The following SLC6A9 variants were observed in gnomAD, a reference collection of about 807,000 sequenced individuals.
SLC6A9 encodes solute carrier family 6 member 9, also known as sodium- and chloride-dependent glycine transporter 1.
A neutral mutation model predicts 70.9 loss-of-function variants in SLC6A9; 31 were observed. The observed-to-expected ratio is 0.44, with a 90% CI of 0.33 to 0.59. SLC6A9 has a LOEUF of 0.59. Among genes scored for constraint, SLC6A9 ranks in the 20% least tolerant of loss-of-function variants. The probability of loss-of-function intolerance (pLI) is 0.04; values close to 1 mark genes in which losing one functional copy is unlikely to be tolerated. For missense variants in SLC6A9, 631 were observed against 845.2 expected, an observed-to-expected ratio of 0.75 and a Z score of 3.14; for synonymous variants, 310 against 341.3, an observed-to-expected ratio of 0.91 and a Z score of 1.01.
At chr1:44,023,564 C>T (rs779273517) in intron 2 of SLC6A9, among the ~76,000 whole-genome samples, 26 of 152,152 alleles carry the variant, frequency 1.7e-4, no homozygotes, top group Non-Finnish European at 2.9e-4. Flanking sequence ...ATCGCTTGAA[C>T]CCGGCAGGGG....
chr1:44,011,810 G>A (rs2086582191), intron 2 of SLC6A9: 1 of 1,368,604 alleles, frequency 7.3e-7, no homozygotes. Context: ...CTGAGCTGGT[G>A]GCCTGGGCCC....
At chr1:44,003,873 TG>T (rs1261607840) in intron 5 of SLC6A9, among the ~76,000 whole-genome samples, 1 of 151,788 alleles carries the variant, frequency 6.6e-6, no homozygotes, top group Non-Finnish European at 1.5e-5. Context: ...TGCCCGGGCC[TG>T]TGCTAAGTGC....
intron 5 of SLC6A9, among the ~76,000 whole-genome samples, chr1:44,006,609 A>AAAAAAAAAC (rs2086326562): frequency 6.6e-6 from 1 of 151,638 alleles, no homozygotes; most frequent in Non-Finnish European, 1.5e-5. Context: ...AAAAAAAAAA[A>AAAAAAAAAC]AGAAATCATC....
At chr1:44,029,412 C>T (rs965933628) in intron 1 of SLC6A9, among the ~76,000 whole-genome samples, 47 of 152,194 alleles carry the variant, frequency 3.1e-4, no homozygotes, top group African/African-American at 7.7e-4. Flanking sequence ...GGCCATCTGC[C>T]GCCACGTGAG....
chr1:44,002,164 C>T lies in SLC6A9; in HGVS notation c.962+149G>A, dbSNP rs2086134688. ...CTGCCTAAACCTCTCTCCTCATTCT[C>T]CAACAACTTTATCCAGAACCAGTAT... On this transcript the variant is annotated intron_variant, in intron 8 of 13. Coordinates refer to ENST00000372310, the MANE Select transcript of SLC6A9 (RefSeq NM_001024845.3). This position sits in a 1 kb window ranked among gnomAD's most constrained non-coding sequence, Gnocchi z 5.5. The T allele has an allele frequency of 1.4e-5, 9 of 650,702 alleles. No homozygotes were observed. The South Asian group carries it at 1.6e-4, about 12-fold the overall frequency. 40.3% of individuals were successfully genotyped at this position (650,702 alleles called of 1,614,324 possible).
At chr1:44,008,259 G>A (rs2086393289) in intron 5 of SLC6A9, 94 bp downstream of exon 5, 1 of 1,293,606 alleles carries the variant, frequency 7.7e-7, no homozygotes, top group Non-Finnish European at 1.1e-6. Context: ...GGCTGAACCT[G>A]CAGCAGGCAC....
In SLC6A9 at chr1:44,030,058, A is replaced by AG. The variant is rs1319693430; in HGVS notation, c.-86+1247dup. 3.9e-5 allele frequency among the ~76,000 whole-genome samples: 6 copies of AG among 152,074 alleles called. No individual in the cohort carries two copies. The East Asian group carries it at 1.2e-3, about 30-fold the overall frequency. ...CCGTCTCCTTTAAGAGTGATCCGCG[A>AG]GGGGGTGTGGCTTGCGGAGAGCAGG... On this transcript the variant is annotated intron_variant, in intron 1 of 13. Transcript: ENST00000372310.
chr1:44,008,549 A>G lies in SLC6A9; in HGVS notation c.394T>C (p.Tyr132His), dbSNP rs2086409868. The part of the protein sequence containing the change: ...YYNVVICIAF[Y>H]YFFSSMTHVL... ...TGCGTCATGGACGAGAAGAAGTAGTAGAAGGCGATGCAGATGACCACATTG... is the reference window on the plus strand; with the variant it reads ...TGCGTCATGGACGAGAAGAAGTAGTGGAAGGCGATGCAGATGACCACATTG... Residue 132 changes from tyrosine (Y) to histidine (H), a missense_variant, in exon 5 of 14, where the codon TAC (tyrosine) becomes CAC (histidine). Transcript: ENST00000372310. 6.2e-7 allele frequency: 1 copy of G among 1,614,040 alleles called. No individual in the cohort carries two copies.
intron 5 of SLC6A9, among the ~76,000 whole-genome samples, chr1:44,005,687 G>A (rs2086282870): frequency 6.6e-6 from 1 of 152,230 alleles, no homozygotes; most frequent in South Asian, 2.1e-4. Flanking sequence ...CAGTTTCTGA[G>A]TCTGAAAATA....
chr1:44,028,228 A>T (rs2087017939), intron 1 of SLC6A9, among the ~76,000 whole-genome samples: 1 of 152,188 alleles, frequency 6.6e-6, no homozygotes. Flanking sequence ...TCAGACAGTC[A>T]GGGGGAAATG....
rs1424153469 is a variant in SLC6A9 at position 43,997,807 on chromosome 1, C to T, written c.1707+48G>A. ...GAGGGAGCCCTTAAGCCCCTTCCAG[C>T]TGGCCCCTCCCATTTTGCCTGGCTA... is the stretch of plus-strand genomic sequence containing the variant. On this transcript the variant is annotated intron_variant, in intron 13 of 13. Coordinates refer to ENST00000372310, the MANE Select transcript of SLC6A9 (RefSeq NM_001024845.3). The surrounding 1 kb of genome is among the most constrained non-coding windows in gnomAD (Gnocchi z 4.4). The T allele has an allele frequency of 4.4e-6, 7 of 1,588,156 alleles. 1 individual carries two copies. In the South Asian group the frequency reaches 8.0e-5, roughly 18 times the overall value.
intron 1 of SLC6A9, among the ~76,000 whole-genome samples, chr1:44,030,145 G>A (rs947272459): frequency 6.6e-6 from 1 of 152,060 alleles, no homozygotes; most frequent in Non-Finnish European, 1.5e-5. Flanking sequence ...GCCTCCGGCC[G>A]GCGGGCAGGG....
chr1:44,003,242 A>G (rs2086186756), intron 5 of SLC6A9, among the ~76,000 whole-genome samples: 1 of 152,116 alleles, frequency 6.6e-6, no homozygotes, highest in African/African-American at 2.4e-5. Flanking sequence ...TGGAGGCCAC[A>G]CCCCAGGCTT....
intron 1 of SLC6A9, among the ~76,000 whole-genome samples, chr1:44,025,885 A>T (rs749252152): frequency 2.0e-5 from 3 of 151,378 alleles, no homozygotes; most frequent in Non-Finnish European, 2.9e-5. Context: ...TTGCCTTCCC[A>T]GGGAGTCAAC....
intron 12 of SLC6A9, 44 bp from the exon 13 acceptor site, chr1:43,998,069 G>A (rs199693701): frequency 2.6e-6 from 4 of 1,548,242 alleles, no homozygotes; most frequent in Non-Finnish European, 3.5e-6. Flanking sequence ...CCGACCCAGA[G>A]CCCAGACCCC....
At chr1:44,001,366 C>A in intron 9 of SLC6A9, 24 bp downstream of exon 9, 2 of 1,612,710 alleles carry the variant, frequency 1.2e-6, no homozygotes, top group South Asian at 1.1e-5. Context: ...CCCAAGCCTC[C>A]GGTCCACGTC....
intron 1 of SLC6A9, among the ~76,000 whole-genome samples, chr1:44,028,425 G>A (rs996401356): frequency 1.3e-5 from 2 of 152,230 alleles, no homozygotes; most frequent in African/African-American, 4.8e-5. Flanking sequence ...AAGGACTGGA[G>A]GGAGGCTGAA....
chr1:44,008,623 C>T lies in SLC6A9; in HGVS notation c.320G>A (p.Gly107Glu). 1.2e-6 allele frequency: 2 copies of T among 1,612,500 alleles called. No individual in the cohort carries two copies. The highest frequency in any genetic ancestry group is 1.7e-6 in the Non-Finnish European group (2 of 1,179,034). Residue 107 changes from glycine (G) to glutamate (E), a missense_variant and splice_region_variant, in exon 5 of 14, where the codon GGA (glycine) becomes GAA (glutamate). By Grantham distance (98) the Gly-to-Glu change is moderately conservative. Transcript: ENST00000372310. ...GVWRISPMFK[G>E]VGYGMMVVST... ...CACCACCATCATACCATAGCCCACT[C>T]CTGCAGGAGGGGAGGGGTGGGGGGA... is the stretch of plus-strand genomic sequence containing the variant.
In SLC6A9 at chr1:44,008,484, C is replaced by A; in HGVS notation, c.459G>T (p.Thr153=). ...CGTCCAGTACACCGGCGCAGTCATG[C>A]GTGTTCCAGGGGTTATTGCAGTAGG... ...PWAYCNNPWN[T]HDCAGVLDAS... is the part of the protein sequence containing the mutation. Residue 153 remains threonine (T), a synonymous_variant, in exon 5 of 14, where the codon ACG becomes ACT. Transcript: ENST00000372310. 1 of 1,614,168 alleles carries A rather than the reference C, an allele frequency of 6.2e-7. No individual in the cohort carries two copies.
Sources: gnomAD v4.1 joint callset for allele counts (sites outside exome capture counted in the v4.1 genomes callset) on GRCh38, gnomAD v4.1.1 for gene constraint, Gnocchi (gnomAD v3.1) non-coding constraint, MANE v1.5 for transcripts, NCBI Gene and HGNC (gene_info 2026-07-23, HGNC 2026-07-21) for gene names.